HSDL2: variants seen among roughly 807,000 people sequenced by gnomAD.
The protein encoded by HSDL2 is hydroxysteroid dehydrogenase like 2, also known as hydroxysteroid dehydrogenase-like protein 2.
A neutral mutation model predicts 46.3 loss-of-function variants in HSDL2; 27 were observed. That is an observed-to-expected ratio of 0.58 (90% CI 0.43 to 0.80). The LOEUF is 0.80. Ranked by LOEUF, HSDL2 falls within the 30% of genes least tolerant of loss-of-function variation. The pLI is 0.00. For synonymous variants in HSDL2, 153 were observed against 163.6 expected (o/e 0.94, Z 0.50); for missense variants, 451 against 502.7 (o/e 0.90, Z 0.98).
intron 1 of HSDL2, among the ~76,000 whole-genome samples, chr9:112,399,587 C>T (rs1448849108): frequency 2.0e-5 from 3 of 152,290 alleles, no homozygotes; most frequent in East Asian, 1.9e-4. Context: ...CTTATCTCAA[C>T]TGCATAAGAC....
At chr9:112,435,709 T>C (rs1832509621) in intron 6 of HSDL2, among the ~76,000 whole-genome samples, 3 of 115,260 alleles carry the variant, frequency 2.6e-5, no homozygotes, top group Admixed American at 2.4e-4. Flanking sequence ...CTATTTTTTA[T>C]TTTATTTTAT....
At chr9:112,453,886 T>C (rs1048712243) in intron 8 of HSDL2, 127 bp from the exon 9 acceptor site, 2 of 727,824 alleles carry the variant, frequency 2.7e-6, no homozygotes, top group Non-Finnish European at 4.5e-6. Flanking sequence ...TGCCACTTAA[T>C]GCATTTAAAG....
chr9:112,448,836 A>G (rs575798968), intron 8 of HSDL2, among the ~76,000 whole-genome samples: 59 of 152,216 alleles, frequency 3.9e-4, no homozygotes, highest in Middle Eastern at 3.4e-3. Context: ...GATTACAGGC[A>G]TGAGCCACCA....
chr9:112,469,521 C>T (rs1833501734), intron 10 of HSDL2, among the ~76,000 whole-genome samples: 1 of 151,572 alleles, frequency 6.6e-6, no homozygotes, highest in Non-Finnish European at 1.5e-5. Context: ...AAAATTAGCC[C>T]TGCATGGTGT....
intron 1 of HSDL2, among the ~76,000 whole-genome samples, chr9:112,386,501 G>T (rs1212459551): frequency 2.6e-5 from 4 of 152,026 alleles, no homozygotes; most frequent in Admixed American, 1.3e-4. Context: ...ATAATTTTGA[G>T]CTTGGCATGG....
intron 1 of HSDL2, among the ~76,000 whole-genome samples, chr9:112,387,797 A>G (rs1449290355): frequency 6.6e-6 from 1 of 152,192 alleles, no homozygotes; most frequent in African/African-American, 2.4e-5. Context: ...AGGAAAATAC[A>G]GTATCACATG....
At chr9:112,438,186 G>A (rs796281375) in intron 6 of HSDL2, among the ~76,000 whole-genome samples, 24 of 152,252 alleles carry the variant, frequency 1.6e-4, no homozygotes, top group Admixed American at 9.8e-4. Context: ...TGCGGTGAGC[G>A]GAGATCACGC....
At chr9:112,390,901 C>T (rs1393730534) in intron 1 of HSDL2, among the ~76,000 whole-genome samples, 7 of 152,202 alleles carry the variant, frequency 4.6e-5, no homozygotes, top group African/African-American at 1.4e-4. Flanking sequence ...CTAGGCTGGA[C>T]GCAGTGACTC....
At chr9:112,405,543 T>C (rs1195953164) in intron 2 of HSDL2, 81 bp from the exon 3 acceptor site, 2 of 978,514 alleles carry the variant, frequency 2.0e-6, no homozygotes, top group Non-Finnish European at 3.1e-6. Flanking sequence ...GGGTACTTTT[T>C]TCTTTTGACT....
intron 1 of HSDL2, among the ~76,000 whole-genome samples, chr9:112,381,587 C>T (rs2132582919): frequency 1.3e-5 from 2 of 152,256 alleles, no homozygotes; most frequent in East Asian, 3.9e-4. Flanking sequence ...ATCTCATGAC[C>T]TCGTGATCCG....
At chr9:112,389,460 A>G (rs1214243824) in intron 1 of HSDL2, among the ~76,000 whole-genome samples, 2 of 151,956 alleles carry the variant, frequency 1.3e-5, no homozygotes, top group Non-Finnish European at 1.5e-5. Context: ...ATATGTGAAT[A>G]TTTTTTTTGT....
In HSDL2 at chr9:112,422,526, T is replaced by C. The variant is rs1832147860; in HGVS notation, c.598+3568T>C. On this transcript the variant is annotated intron_variant, in intron 6 of 10. Transcript: ENST00000398805. ...GGTTGGATGTTGAGTAACACCTGGG[T>C]AAGCAGCTTGGATATTCTAGTGCAA... Among the ~76,000 whole-genome samples, 3 of 152,300 alleles carry C rather than the reference T, an allele frequency of 2.0e-5. No homozygotes were observed. The South Asian group carries it at 6.2e-4, about 32-fold the overall frequency.
intron 8 of HSDL2, among the ~76,000 whole-genome samples, chr9:112,443,715 G>A (rs1245975901): frequency 3.3e-5 from 5 of 152,188 alleles, no homozygotes; most frequent in Admixed American, 6.6e-5. Flanking sequence ...GGGCAACAGA[G>A]CAAGACCCTG....
At chr9:112,380,338 C>T (rs762885721) in intron 1 of HSDL2, among the ~76,000 whole-genome samples, 158 bp downstream of exon 1, 1 of 152,114 alleles carries the variant, frequency 6.6e-6, no homozygotes, top group Non-Finnish European at 1.5e-5. Context: ...GGGCACTGTG[C>T]ACCGAGAATC....
intron 1 of HSDL2, among the ~76,000 whole-genome samples, chr9:112,387,761 T>C (rs1347124077): frequency 6.6e-6 from 1 of 152,208 alleles, no homozygotes; most frequent in Non-Finnish European, 1.5e-5. Flanking sequence ...GGATGGACGT[T>C]GTATGCTGCC....
At chr9:112,398,727 T>C (rs1831519098) in intron 1 of HSDL2, among the ~76,000 whole-genome samples, 1 of 152,086 alleles carries the variant, frequency 6.6e-6, no homozygotes, top group South Asian at 2.1e-4. Context: ...GGGAGCATAA[T>C]TTCCTGTTGG....
intron 1 of HSDL2, among the ~76,000 whole-genome samples, chr9:112,386,711 A>C (rs1024223791): frequency 6.6e-5 from 10 of 152,162 alleles, no homozygotes; most frequent in Admixed American, 2.0e-4. Context: ...TGAGCTGGGA[A>C]GGTCAAGTCT....
At chr9:112,430,977 G>A (rs1832376294) in intron 6 of HSDL2, among the ~76,000 whole-genome samples, 1 of 149,510 alleles carries the variant, frequency 6.7e-6, no homozygotes, top group South Asian at 2.1e-4. Flanking sequence ...GCTTGAACCC[G>A]GGAGGTGGAG....
chr9:112,418,447 G>A (rs1325019103), intron 5 of HSDL2, among the ~76,000 whole-genome samples: 1 of 151,660 alleles, frequency 6.6e-6, no homozygotes, highest in Non-Finnish European at 1.5e-5. Context: ...GCCAGGCTTG[G>A]TGGCACACAC....
Sources: allele counts gnomAD v4.1 joint callset (sites outside exome capture counted in the v4.1 genomes callset), GRCh38; gene constraint gnomAD v4.1.1; transcripts MANE v1.5; gene names NCBI Gene and HGNC (gene_info 2026-07-23, HGNC 2026-07-21).